CDK19: variants seen among roughly 807,000 people sequenced by gnomAD.
The protein encoded by CDK19 is cyclin dependent kinase 19, also known as cyclin-dependent kinase 19.
In CDK19, 20 loss-of-function variants were observed where a neutral mutation model predicts 68.3. The ratio of observed to expected loss-of-function variants is 0.29; its 90% CI spans 0.21 to 0.43. CDK19 has a LOEUF of 0.43. Ranked by LOEUF, CDK19 falls within the 20% of genes least tolerant of loss-of-function variation. The probability of loss-of-function intolerance (pLI) is 1.00; values close to 1 mark genes in which losing one functional copy is unlikely to be tolerated. For synonymous variants in CDK19, 221 were observed against 222.8 expected, an observed-to-expected ratio of 0.99 and a Z score of 0.07; for missense variants, 339 against 623.5, an observed-to-expected ratio of 0.54 and a Z score of 4.86.
In CDK19 at chr6:110,622,130, T is replaced by C; in HGVS notation, c.1068A>G (p.Arg356=). 1 of 1,613,032 alleles carries C rather than the reference T, an allele frequency of 6.2e-7. No homozygotes were observed. ...FAGCQIPYPK[R]EFLNEDDPEE... is the part of the protein sequence containing the mutation. ...CAGGATCATCTTCATTAAGGAATTC[T>C]CGTTTGGGGTATGGAATCTGGCAGC... The change falls in exon 11 of 13, where the codon CGA becomes CGG. Residue 356 remains arginine, a synonymous_variant. Coordinates refer to ENST00000368911, the MANE Select transcript of CDK19 (RefSeq NM_015076.5).
rs2114625047 is a variant in CDK19 at position 110,621,986 on chromosome 6, T to C, written c.1110+102A>G. On this transcript the variant is annotated intron_variant, in intron 11 of 12. Transcript: ENST00000368911. The surrounding 1 kb of genome is among the most constrained non-coding windows in gnomAD (Gnocchi z 5.4). Reference sequence around the variant, plus strand: ...GATACATTCAAATTTAATTAAATATTAGAAAAGGTGGTTAAATGTATAGGA... The same window carrying C: ...GATACATTCAAATTTAATTAAATATCAGAAAAGGTGGTTAAATGTATAGGA... 1.7e-6 allele frequency: 1 copy of C among 600,338 alleles called. No individual in the cohort carries two copies. The highest frequency in any genetic ancestry group is 1.9e-5 in the African/African-American group (1 of 52,820). The allele number at this position is 600,338 out of a possible 1,614,324, so 37.2% of individuals were successfully genotyped here. A position where few individuals can be genotyped will look rare whatever the true frequency, so the allele number is the denominator to read the frequency against.
chr6:110,747,035 T>C (rs930651147), intron 1 of CDK19, among the ~76,000 whole-genome samples: 15 of 152,232 alleles, frequency 9.9e-5, no homozygotes, highest in African/African-American at 3.4e-4. Flanking sequence ...CTATAGTTCA[T>C]ATTGTGAGCT....
chr6:110,635,299 T>C (rs2114730306), intron 5 of CDK19, among the ~76,000 whole-genome samples: 1 of 152,348 alleles, frequency 6.6e-6, no homozygotes, highest in East Asian at 1.9e-4. Context: ...GGAAGGTCTA[T>C]TTCTCTTTTA....
chr6:110,759,513 GGATAGCTT>G (rs1366273573), intron 1 of CDK19, among the ~76,000 whole-genome samples: 1 of 147,712 alleles, frequency 6.8e-6, no homozygotes, highest in African/African-American at 2.5e-5. Flanking sequence ...TGCAGCAGTA[GGATAGCTT>G]GATCCTGGGA....
chr6:110,706,092 G>A (rs1162853996), intron 2 of CDK19, among the ~76,000 whole-genome samples: 3 of 152,004 alleles, frequency 2.0e-5, no homozygotes, highest in Admixed American at 6.6e-5. Flanking sequence ...TCTTGCTGTC[G>A]CCCAGGCTGG....
intron 1 of CDK19, among the ~76,000 whole-genome samples, chr6:110,790,554 T>TA (rs1781518918): frequency 6.6e-6 from 1 of 151,704 alleles, no homozygotes; most frequent in Non-Finnish European, 1.5e-5. Context: ...TAAAATAAAA[T>TA]AAAAAATAAA....
chr6:110,734,298 C>T (rs1777008739), intron 2 of CDK19, among the ~76,000 whole-genome samples: 1 of 152,166 alleles, frequency 6.6e-6, no homozygotes, highest in Admixed American at 6.6e-5. Context: ...GCGTGAGCTA[C>T]CACACCCAGC....
At chr6:110,787,853 G>A (rs180882241) in intron 1 of CDK19, among the ~76,000 whole-genome samples, 1 of 151,392 alleles carries the variant, frequency 6.6e-6, no homozygotes, top group South Asian at 2.1e-4. Context: ...TGTTTGTTTC[G>A]TTTTGAGACG....
intron 1 of CDK19, among the ~76,000 whole-genome samples, chr6:110,792,248 C>T (rs956821948): frequency 4.6e-5 from 7 of 152,056 alleles, no homozygotes; most frequent in African/African-American, 1.4e-4. Flanking sequence ...AGATTACAGG[C>T]GTGAGCCACC....
chr6:110,782,187 C>T (rs980402968), intron 1 of CDK19, among the ~76,000 whole-genome samples: 2 of 152,158 alleles, frequency 1.3e-5, no homozygotes, highest in African/African-American at 4.8e-5. Context: ...AAAATAAGAA[C>T]AAAAGGACAG....
chr6:110,701,212 T>A (rs1323310322), intron 2 of CDK19, among the ~76,000 whole-genome samples: 1 of 135,032 alleles, frequency 7.4e-6, no homozygotes, highest in Non-Finnish European at 1.6e-5. Flanking sequence ...TCAAAAAAAA[T>A]TAATTAATTA....
intron 1 of CDK19, among the ~76,000 whole-genome samples, chr6:110,812,256 G>A (rs1783162953): frequency 6.6e-6 from 1 of 151,930 alleles, no homozygotes; most frequent in Admixed American, 6.6e-5. Flanking sequence ...GAGCAGCTGG[G>A]ACTACAAGTA....
chr6:110,751,770 C>A (rs1196085679), intron 1 of CDK19, among the ~76,000 whole-genome samples: 4 of 151,508 alleles, frequency 2.6e-5, no homozygotes, highest in Non-Finnish European at 5.9e-5. Flanking sequence ...AATACAGTAT[C>A]TAAAATAAGA....
At chr6:110,785,601 T>A (rs1446360120) in intron 1 of CDK19, among the ~76,000 whole-genome samples, 1 of 151,642 alleles carries the variant, frequency 6.6e-6, no homozygotes, top group South Asian at 2.1e-4. Context: ...AAGAGGGGAG[T>A]TGGTCTTGCT....
At chr6:110,636,729 A>C (rs1779801194) in intron 5 of CDK19, among the ~76,000 whole-genome samples, 1 of 152,244 alleles carries the variant, frequency 6.6e-6, no homozygotes. Context: ...GAGGAACAAA[A>C]AGGGAAATGA....
intron 1 of CDK19, among the ~76,000 whole-genome samples, chr6:110,785,074 C>T: frequency 1.5e-5 from 1 of 64,950 alleles, no homozygotes; most frequent in African/African-American, 4.5e-5. Flanking sequence ...ACTGAATTGT[C>T]AAAAAAAAAA....
intron 1 of CDK19, among the ~76,000 whole-genome samples, chr6:110,752,919 T>C (rs977173141): frequency 6.6e-6 from 1 of 152,080 alleles, no homozygotes; most frequent in Non-Finnish European, 1.5e-5. Context: ...TTTTTTGTTT[T>C]TGGTTTTTTA....
chr6:110,631,687 T>C (rs1562138857), intron 6 of CDK19, among the ~76,000 whole-genome samples: 1 of 152,234 alleles, frequency 6.6e-6, no homozygotes, highest in Non-Finnish European at 1.5e-5. Flanking sequence ...GTTTTTGTTT[T>C]TCATTTTGTG....
rs1018288246 is a variant in CDK19, at chr6:110,683,221, G to A, written c.205-12680C>T. Among the ~76,000 whole-genome samples the A allele has an allele frequency of 4.0e-5, 6 of 148,292 alleles. No homozygotes were observed. In the South Asian group the frequency reaches 6.5e-4, roughly 16 times the overall value. On this transcript the variant is annotated intron_variant, in intron 2 of 12. Coordinates refer to ENST00000368911, the MANE Select transcript of CDK19 (RefSeq NM_015076.5). ...AAGTACATAGCACGATGCTTGGAAC[G>A]AATTAAGCATTTGACAAATTATAGC...
Sources: allele counts gnomAD v4.1 joint callset (sites outside exome capture counted in the v4.1 genomes callset), GRCh38; gene constraint gnomAD v4.1.1; non-coding constraint Gnocchi (gnomAD v3.1); transcripts MANE v1.5; gene names NCBI Gene and HGNC (gene_info 2026-07-23, HGNC 2026-07-21).